GFRA2: variants seen among roughly 807,000 people sequenced by gnomAD.
GFRA2 encodes GDNF family receptor alpha 2.
A neutral mutation model predicts 48.3 loss-of-function variants in GFRA2; 17 were observed. That is an observed-to-expected ratio of 0.35 (90% CI 0.24 to 0.53). GFRA2 has a LOEUF of 0.53. Among genes scored for constraint, GFRA2 ranks in the 20% least tolerant of loss-of-function variants. GFRA2 has a pLI of 0.93. For missense variants in GFRA2, 660 were observed against 637.3 expected (o/e 1.04, Z -0.38); for synonymous variants, 305 against 257.2 (o/e 1.19, Z -1.78).
intron 7 of GFRA2, among the ~76,000 whole-genome samples, chr8:21,697,054 G>A (rs1802224148): frequency 2.1e-5 from 3 of 141,780 alleles, no homozygotes; most frequent in East Asian, 2.2e-4. Flanking sequence ...AGACAGAGGA[G>A]AGGGAAGGGG....
At chr8:21,792,614 G>A (rs1485121975), upstream of GFRA2, among the ~76,000 whole-genome samples, 3 of 152,242 alleles carry the variant, frequency 2.0e-5, no homozygotes, top group African/African-American at 7.2e-5. Flanking sequence ...TGGGAGAAAG[G>A]AAGAGTTGGT....
chr8:21,808,015 T>C (rs1807903962), intron 1 of GFRA2, among the ~76,000 whole-genome samples: 1 of 152,158 alleles, frequency 6.6e-6, no homozygotes, highest in Non-Finnish European at 1.5e-5. Context: ...AATACACTCA[T>C]ATGAGGTAGT....
intron 4 of GFRA2, among the ~76,000 whole-genome samples, chr8:21,714,303 C>T (rs956257890): frequency 3.2e-5 from 4 of 124,580 alleles, no homozygotes; most frequent in Non-Finnish European, 4.7e-5. Flanking sequence ...CAAGGCTGGG[C>T]AGTGGCACAA....
intron 3 of GFRA2, among the ~76,000 whole-genome samples, chr8:21,759,477 AGAAGGAAAGAAGGAAGGAAG>A (rs1285667360): frequency 1.6e-4 from 17 of 108,384 alleles, no homozygotes; most frequent in Admixed American, 6.2e-4. Context: ...AGGGAGGGAA[AGAAGGAAAGAAGGAAGGAAG>A]GAAGGAAGGA....
At chr8:21,743,698 G>A (rs1308314020) in intron 4 of GFRA2, among the ~76,000 whole-genome samples, 2 of 152,322 alleles carry the variant, frequency 1.3e-5, no homozygotes, top group Admixed American at 6.5e-5. Context: ...GCTGGCCCCA[G>A]GGAGGACTGG....
chr8:21,771,657 TTCCAGGAGGC>T (rs1806444258), intron 3 of GFRA2, among the ~76,000 whole-genome samples: 1 of 152,100 alleles, frequency 6.6e-6, no homozygotes, highest in Non-Finnish European at 1.5e-5. Context: ...AGAATACACG[TTCCAGGAGGC>T]CCCTATAACA....
chr8:21,727,005 C>T (rs975748139), intron 4 of GFRA2, among the ~76,000 whole-genome samples: 1 of 152,180 alleles, frequency 6.6e-6, no homozygotes, highest in Non-Finnish European at 1.5e-5. Context: ...CTGCCTCGGC[C>T]TCCCAAAGTG....
intron 7 of GFRA2, among the ~76,000 whole-genome samples, chr8:21,702,040 C>G (rs1449290349): frequency 6.6e-6 from 1 of 152,180 alleles, no homozygotes; most frequent in African/African-American, 2.4e-5. Context: ...GAGGACCTGA[C>G]AGATGGCACA....
intron 4 of GFRA2, among the ~76,000 whole-genome samples, chr8:21,724,698 G>A (rs966781508): frequency 4.6e-5 from 7 of 152,120 alleles, no homozygotes; most frequent in Non-Finnish European, 8.8e-5. Flanking sequence ...TGGCAAGGCC[G>A]TGTACATAGA....
At chr8:21,807,427 T>C (rs1448328319) in intron 1 of GFRA2, among the ~76,000 whole-genome samples, 1 of 152,340 alleles carries the variant, frequency 6.6e-6, no homozygotes, top group African/African-American at 2.4e-5. Context: ...AAACTTCTAT[T>C]CTTTGTAAAT....
intron 3 of GFRA2, among the ~76,000 whole-genome samples, chr8:21,759,831 G>A (rs191968764): frequency 7.2e-4 from 108 of 149,786 alleles, no homozygotes; most frequent in African/African-American, 2.4e-3. Flanking sequence ...AGAGGTTGCT[G>A]TGAGTCAGGA....
chr8:21,757,722 G>A (rs1414686850), intron 3 of GFRA2, among the ~76,000 whole-genome samples: 3 of 151,952 alleles, frequency 2.0e-5, no homozygotes, highest in South Asian at 2.1e-4. Flanking sequence ...AGATGGTCTC[G>A]AACTCCTGGC....
chr8:21,806,313 A>G (rs1202781723), intron 1 of GFRA2, among the ~76,000 whole-genome samples: 1 of 152,222 alleles, frequency 6.6e-6, no homozygotes, highest in Non-Finnish European at 1.5e-5. Flanking sequence ...TCACTTCCAG[A>G]AGAGTACTCA....
intron 1 of GFRA2, 94 bp from the exon 2 acceptor site, chr8:21,782,993 G>A (rs1390771617): frequency 3.8e-5 from 47 of 1,222,894 alleles, no homozygotes; most frequent in South Asian, 1.0e-4. Context: ...TGCTGGGAAC[G>A]TCACACCCAT....
At chr8:21,726,877 C>T (rs976180400) in intron 4 of GFRA2, among the ~76,000 whole-genome samples, 3 of 151,704 alleles carry the variant, frequency 2.0e-5, no homozygotes, top group African/African-American at 7.3e-5. Context: ...CTCAGCCTCC[C>T]AAGTAGCTGG....
intron 5 of GFRA2, 130 bp from the exon 6 acceptor site, chr8:21,705,255 C>A: frequency 1.2e-6 from 1 of 839,944 alleles, no homozygotes. Context: ...CCAAAACACA[C>A]ATCCATCCCA....
intron 2 of GFRA2, among the ~76,000 whole-genome samples, chr8:21,776,574 G>A (rs982293918): frequency 6.6e-5 from 10 of 150,750 alleles, no homozygotes; most frequent in South Asian, 2.1e-4. Flanking sequence ...GGGTTCAAGC[G>A]ATCCTCCCAC....
intron 1 of GFRA2, among the ~76,000 whole-genome samples, chr8:21,784,799 T>A (rs1347752242): frequency 6.6e-6 from 1 of 152,144 alleles, no homozygotes; most frequent in African/African-American, 2.4e-5. Flanking sequence ...AGACCGGAGT[T>A]TGAGGCCCGG....
chr8:21,697,533 G>A (rs1381487976), intron 7 of GFRA2, among the ~76,000 whole-genome samples: 1 of 152,064 alleles, frequency 6.6e-6, no homozygotes, highest in Non-Finnish European at 1.5e-5. Context: ...ACCTAGTGGC[G>A]GGAGGGGCAG....
Sources: gnomAD v4.1 joint callset for allele counts (sites outside exome capture counted in the v4.1 genomes callset) on GRCh38, gnomAD v4.1.1 for gene constraint, MANE v1.5 for transcripts, NCBI Gene and HGNC (gene_info 2026-07-23, HGNC 2026-07-21) for gene names.